Variants in SMG7 observed in about 807,000 individuals in gnomAD.
The protein encoded by SMG7 is nonsense-mediated mRNA decay factor SMG7.
SMG7 carries 34 observed loss-of-function variants against 148.2 expected under a neutral mutation model. The ratio of observed to expected loss-of-function variants is 0.23; its 90% CI spans 0.17 to 0.31. The LOEUF is 0.31. Among genes scored for constraint, SMG7 ranks in the 10% least tolerant of loss-of-function variants. The pLI, the probability that SMG7 is intolerant of heterozygous loss-of-function variation, is 1.00. For missense variants in SMG7, 1,114 were observed against 1,408.4 expected, an observed-to-expected ratio of 0.79 and a Z score of 3.35; for synonymous variants, 492 against 515.1, an observed-to-expected ratio of 0.96 and a Z score of 0.61.
chr1:183,523,029 A>T (rs745516700), intron 4 of SMG7, among the ~76,000 whole-genome samples: 1 of 152,174 alleles, frequency 6.6e-6, no homozygotes, highest in Non-Finnish European at 1.5e-5. Flanking sequence ...CAGTTAAAGC[A>T]TGGGGCTTAA....
intron 19 of SMG7, 119 bp from the exon 20 acceptor site, chr1:183,549,645 C>T (rs1670613244): frequency 3.8e-6 from 3 of 783,642 alleles, no homozygotes; most frequent in Middle Eastern, 3.4e-4. Context: ...TAAAAGCCTT[C>T]AAAATTTCTC....
At chr1:183,532,273 GAATCC>G (rs1667003078) in intron 8 of SMG7, among the ~76,000 whole-genome samples, 1 of 152,148 alleles carries the variant, frequency 6.6e-6, no homozygotes, top group African/African-American at 2.4e-5. Context: ...TAGTGATAAT[GAATCC>G]CTGCTCTCTG....
chr1:183,498,512 A>G (rs544468032), intron 1 of SMG7, among the ~76,000 whole-genome samples: 1 of 151,522 alleles, frequency 6.6e-6, no homozygotes, highest in African/African-American at 2.5e-5. Context: ...AGTTTAAAAC[A>G]AAAAACAAAA....
At chr1:183,502,433 C>T in intron 1 of SMG7, 1 of 1,464,720 alleles carries the variant, frequency 6.8e-7, no homozygotes. Flanking sequence ...GTTTTTATTC[C>T]TTTTGGAGAT....
At chr1:183,535,269 G>T in intron 10 of SMG7, among the ~76,000 whole-genome samples, 1 of 151,942 alleles carries the variant, frequency 6.6e-6, no homozygotes, top group South Asian at 2.1e-4. Flanking sequence ...GATCCTTTTG[G>T]CCCATTCTGT....
intron 1 of SMG7, among the ~76,000 whole-genome samples, chr1:183,509,041 C>G (rs990943609): frequency 2.0e-5 from 3 of 152,068 alleles, no homozygotes; most frequent in African/African-American, 7.2e-5. Context: ...GTTAAAGGAT[C>G]AGATAGTAAA....
chr1:183,539,498 GTC>G (rs1668416359), intron 12 of SMG7, among the ~76,000 whole-genome samples: 1 of 152,004 alleles, frequency 6.6e-6, no homozygotes, highest in South Asian at 2.1e-4. Flanking sequence ...CCATCCCTAT[GTC>G]TCTTGAATGG....
At chr1:183,512,808 CTTTTT>C (rs59379855) in intron 1 of SMG7, 24 bp from the exon 2 acceptor site, 237 of 1,276,704 alleles carry the variant, frequency 1.9e-4, no homozygotes, top group Admixed American at 2.9e-4. Flanking sequence ...AACTGATACT[CTTTTT>C]TTTTTTTTTT....
intron 1 of SMG7, among the ~76,000 whole-genome samples, chr1:183,496,993 A>G (rs934878361): frequency 6.6e-6 from 1 of 151,938 alleles, no homozygotes; most frequent in Non-Finnish European, 1.5e-5. Context: ...TACTCTTAAC[A>G]CTCCCTTGGT....
chr1:183,550,792 C>G lies in SMG7; in HGVS notation c.3175C>G (p.Pro1059Ala). The change falls in exon 21 of 23, where the codon CCA becomes GCA. Residue 1059 changes from proline (P) to alanine (A), a missense_variant. By Grantham distance (27) the Pro-to-Ala change is conservative. Transcript: ENST00000688051. ...CAGCCAGTCTCCTCATTCCTCTAACCCAAGCAGCCTACCCAGCTCTCCTCC... is the reference window on the plus strand; with the variant it reads ...CAGCCAGTCTCCTCATTCCTCTAACGCAAGCAGCCTACCCAGCTCTCCTCC... ...PASQSPHSSN[P>A]SSLPSSPPTH... 6.2e-7 allele frequency: 1 copy of G among 1,614,068 alleles called. No individual in the cohort carries two copies. The highest frequency in any genetic ancestry group is 8.5e-7 in the Non-Finnish European group (1 of 1,179,990).
chr1:183,522,446 A>T (rs1162851302), intron 4 of SMG7, among the ~76,000 whole-genome samples: 1 of 152,214 alleles, frequency 6.6e-6, no homozygotes, highest in African/African-American at 2.4e-5. Context: ...TTAAAGTAAG[A>T]TTTAAAGTGA....
At chr1:183,546,359 C>A in intron 17 of SMG7, 22 bp downstream of exon 17, 2 of 1,586,794 alleles carry the variant, frequency 1.3e-6, no homozygotes, top group Non-Finnish European at 1.7e-6. Flanking sequence ...TTCCTATCAC[C>A]AGGCAATTTG....
At chr1:183,490,081 A>G (rs1656567691) in intron 1 of SMG7, among the ~76,000 whole-genome samples, 1 of 152,194 alleles carries the variant, frequency 6.6e-6, no homozygotes, top group Non-Finnish European at 1.5e-5. Flanking sequence ...AAAGTATGGT[A>G]TTGAGTACTG....
intron 8 of SMG7, among the ~76,000 whole-genome samples, chr1:183,532,533 G>A (rs1667053148): frequency 6.6e-6 from 1 of 152,198 alleles, no homozygotes; most frequent in Non-Finnish European, 1.5e-5. Context: ...GATCACGCAT[G>A]TACTTCTCTA....
At chr1:183,512,709 A>G (rs1475988505) in intron 1 of SMG7, 128 bp from the exon 2 acceptor site, 5 of 879,926 alleles carry the variant, frequency 5.7e-6, no homozygotes, top group South Asian at 3.5e-5. Flanking sequence ...CAGTGCCACA[A>G]ATATAGCTGC....
In SMG7 at chr1:183,551,690, A is replaced by AC. The variant is rs1479868979; in HGVS notation, c.3451-128_3451-127insC. 13 of 576,310 alleles carry AC rather than the reference A, an allele frequency of 2.3e-5. No homozygotes were observed. The African/African-American group carries it at 2.5e-4, about 11-fold the overall frequency. The allele number at this position is 576,310 out of a possible 1,614,324, so 35.7% of individuals were successfully genotyped here. A position where few individuals can be genotyped will look rare whatever the true frequency, so the allele number is the denominator to read the frequency against. On this transcript the variant is annotated intron_variant, in intron 22 of 22. Coordinates refer to ENST00000688051, the MANE Select transcript of SMG7 (RefSeq NM_001375584.1). Reference sequence around the variant, plus strand: ...TATAATGACTTTTTCTAATAGCTGGATTTTTATGGGGAGTGGGGTTGGGTT... The same window carrying AC: ...TATAATGACTTTTTCTAATAGCTGGACTTTTTATGGGGAGTGGGGTTGGGTT...
chr1:183,525,958 A>G (rs1345841317), intron 4 of SMG7, among the ~76,000 whole-genome samples: 1 of 152,110 alleles, frequency 6.6e-6, no homozygotes, highest in African/African-American at 2.4e-5. Flanking sequence ...TTCTGAGAGT[A>G]GTAGCTTTCT....
chr1:183,524,520 A>G (rs1479651279), intron 4 of SMG7, among the ~76,000 whole-genome samples: 2 of 152,208 alleles, frequency 1.3e-5, no homozygotes, highest in East Asian at 3.8e-4. Context: ...AAGGGTGCGC[A>G]GAATTTATAT....
At chr1:183,489,806 G>T (rs1557958552) in intron 1 of SMG7, among the ~76,000 whole-genome samples, 2 of 152,208 alleles carry the variant, frequency 1.3e-5, no homozygotes, top group Non-Finnish European at 1.5e-5. Context: ...TATTTAGGTG[G>T]AAGGAGAAAG....
Sources: gnomAD v4.1 joint callset for allele counts (sites outside exome capture counted in the v4.1 genomes callset) on GRCh38, gnomAD v4.1.1 for gene constraint, MANE v1.5 for transcripts, NCBI Gene and HGNC (gene_info 2026-07-23, HGNC 2026-07-21) for gene names.